RSBN1: variants seen among roughly 807,000 people sequenced by gnomAD.
The protein encoded by RSBN1 is round spermatid basic protein 1, also known as lysine-specific demethylase 9.
Under a neutral mutation model 74.8 loss-of-function variants are expected in RSBN1, and 23 were observed. The observed-to-expected ratio is 0.31, with a 90% CI of 0.22 to 0.44. The LOEUF is 0.44. RSBN1 is among the 20% of genes least tolerant of loss of function. RSBN1 has a pLI of 1.00. For synonymous variants in RSBN1, 407 were observed against 379.6 expected, an observed-to-expected ratio of 1.07 and a Z score of -0.84; for missense variants, 808 against 1,020.9, an observed-to-expected ratio of 0.79 and a Z score of 2.84.
Position 113,766,150 on chromosome 1 carries a change from A to G in RSBN1, c.2239T>C (p.Cys747Arg), listed in dbSNP as rs149404041. Residue 747 changes from cysteine (C) to arginine (R), a missense_variant, in exon 7 of 7, where the codon TGC becomes CGC. Transcript: ENST00000261441. ...GTTGTTAACAGCTGAATCTCTGTGC[A>G]TGCTTCTTCAGATTCAGTTTTTATC... is the stretch of plus-strand genomic sequence containing the variant. ...VRIKTESEEA[C>R]TEIQLLTTAS... 1.2e-4 allele frequency: 186 copies of G among 1,614,072 alleles called. 1 individual carries two copies. In the African/African-American group the frequency reaches 2.3e-3, roughly 20 times the overall value.
intron 2 of RSBN1, among the ~76,000 whole-genome samples, chr1:113,783,130 A>G (rs1026667501): frequency 2.0e-5 from 3 of 152,206 alleles, no homozygotes; most frequent in African/African-American, 7.2e-5. Context: ...ATGTTTGAAT[A>G]CAAACTTTGT....
chr1:113,791,519 G>A (rs772981260), intron 2 of RSBN1, among the ~76,000 whole-genome samples: 5 of 152,162 alleles, frequency 3.3e-5, no homozygotes, highest in East Asian at 1.9e-4. Context: ...GGTTGAGAGC[G>A]GGTGTGGATT....
intron 4 of RSBN1, among the ~76,000 whole-genome samples, chr1:113,775,050 G>A (rs778435899): frequency 6.7e-6 from 1 of 148,510 alleles, no homozygotes; most frequent in Non-Finnish European, 1.5e-5. Flanking sequence ...TGGAGATGAA[G>A]TCTTGCTCTT....
rs3789604 is a variant in RSBN1 at position 113,812,320 on chromosome 1, T to G, written c.93A>C (p.Arg31=). ...PAGSARAALA[R]CADGGAVGPF... is the part of the protein sequence containing the mutation. ...GCCCGACCGCCCCCCCGTCCGCGCATCGCGCAAGCGCCGCCCGCGCACTGC... is the reference window on the plus strand; with the variant it reads ...GCCCGACCGCCCCCCCGTCCGCGCAGCGCGCAAGCGCCGCCCGCGCACTGC... The change falls in exon 1 of 7, where the codon CGA becomes CGC. Residue 31 remains arginine (R), a synonymous_variant. Transcript: ENST00000261441. The G allele has an allele frequency of 0.18, 281,572 of 1,603,660 alleles. 25,635 individuals are homozygous for G. The highest frequency in any genetic ancestry group is 0.21 in the East Asian group (9,541 of 44,828).
Position 113,812,148 on chromosome 1 carries a change from G to T in RSBN1, c.265C>A (p.Arg89Ser). The T allele has an allele frequency of 6.2e-7, 1 of 1,609,700 alleles. No individual in the cohort carries two copies. ...GVSPRGVKRQRRSSSGGSQEK... is the reference protein window; with the variant it reads ...GVSPRGVKRQSRSSSGGSQEK... ...TGAGACCCCCCACTGCTAGATCGGC[G>T]CTGCCGTTTAACTCCCCGCGGGGAG... The change falls in exon 1 of 7, where the codon CGC becomes AGC. Residue 89 changes from arginine (R) to serine (S), a missense_variant. This residue lies in a region of RSBN1 where 464 missense variants were observed against 401.0 expected (regional missense o/e 1.16). Transcript: ENST00000261441.
In RSBN1 at chr1:113,768,537, A is replaced by C. The variant is rs186515660; in HGVS notation, c.1659-148T>G. 5.5e-6 allele frequency: 3 copies of C among 550,288 alleles called. No homozygotes were observed. In the East Asian group the frequency reaches 8.6e-5, roughly 16 times the overall value. The allele number at this position is 550,288 out of a possible 1,614,324, so 34.1% of individuals were successfully genotyped here. On this transcript the variant is annotated intron_variant, in intron 4 of 6. Coordinates refer to ENST00000261441, the MANE Select transcript of RSBN1 (RefSeq NM_018364.5). ...TGAGAAGGGTTCAATGATTATGATCATTAGCATTTAACACACTATATTATA... is the reference window on the plus strand; with the variant it reads ...TGAGAAGGGTTCAATGATTATGATCCTTAGCATTTAACACACTATATTATA...
intron 2 of RSBN1, among the ~76,000 whole-genome samples, chr1:113,793,813 G>A (rs563365391): frequency 2.6e-5 from 4 of 151,844 alleles, no homozygotes; most frequent in South Asian, 4.2e-4. Context: ...GATTACAGGC[G>A]CCCGCCACCA....
chr1:113,772,427 A>T (rs1377155706), intron 4 of RSBN1, among the ~76,000 whole-genome samples: 1 of 152,160 alleles, frequency 6.6e-6, no homozygotes, highest in South Asian at 2.1e-4. Context: ...GCCTTTTTAA[A>T]AAAGTATTAT....
chr1:113,769,543 T>C (rs1347859636), intron 4 of RSBN1, among the ~76,000 whole-genome samples: 1 of 152,232 alleles, frequency 6.6e-6, no homozygotes, highest in East Asian at 1.9e-4. Flanking sequence ...CAGTTTATTA[T>C]ATTGTTTTCT....
intron 2 of RSBN1, among the ~76,000 whole-genome samples, chr1:113,779,062 G>C (rs1660086654): frequency 6.6e-6 from 1 of 152,096 alleles, no homozygotes; most frequent in South Asian, 2.1e-4. Context: ...TATTTAACCA[G>C]AATTTCCACT....
chr1:113,768,975 C>CT (rs1471303567), intron 4 of RSBN1, among the ~76,000 whole-genome samples: 1 of 151,738 alleles, frequency 6.6e-6, no homozygotes, highest in African/African-American at 2.4e-5. Flanking sequence ...GTGTTAGCAT[C>CT]ATAAGGCTTT....
Position 113,812,434 on chromosome 1 carries a change from C to A in RSBN1, c.-22G>T. On this transcript the variant is annotated 5_prime_UTR_variant, in exon 1 of 7. Coordinates refer to ENST00000261441, the MANE Select transcript of RSBN1 (RefSeq NM_018364.5). The stretch of plus-strand genomic sequence containing the variant: ...ACATGCCGGAAGCGGCCGTTCCCAG[C>A]TTTTCTCCGCAGGCCTCTCCAACCG... The A allele has an allele frequency of 6.4e-7, 1 of 1,568,178 alleles. No homozygotes were observed. Among genetic ancestry groups the A allele is most frequent in the Admixed American group, 1.8e-5 (1 of 54,584 alleles).
chr1:113,777,129 G>A, intron 4 of RSBN1, 81 bp downstream of exon 4: 1 of 1,302,796 alleles, frequency 7.7e-7, no homozygotes, highest in Non-Finnish European at 1.1e-6. Context: ...CAAGACAAAT[G>A]GTTTTCAAAC....
intron 1 of RSBN1, among the ~76,000 whole-genome samples, chr1:113,800,773 T>C (rs1173851509): frequency 6.6e-6 from 1 of 152,024 alleles, no homozygotes; most frequent in Non-Finnish European, 1.5e-5. Context: ...TGGGTTTCAC[T>C]TATACGAGTT....
chr1:113,812,432 A>C lies in RSBN1; in HGVS notation c.-20T>G. On this transcript the variant is annotated 5_prime_UTR_variant, in exon 1 of 7. Transcript: ENST00000261441. ...GAACATGCCGGAAGCGGCCGTTCCC[A>C]GCTTTTCTCCGCAGGCCTCTCCAAC... 6.4e-7 allele frequency: 1 copy of C among 1,573,100 alleles called. No homozygotes were observed. The highest frequency in any genetic ancestry group is 8.6e-7 in the Non-Finnish European group (1 of 1,166,344).
intron 1 of RSBN1, among the ~76,000 whole-genome samples, chr1:113,802,252 G>A (rs890177732): frequency 3.3e-5 from 5 of 151,134 alleles, no homozygotes; most frequent in African/African-American, 7.3e-5. Context: ...CACCATGCCC[G>A]GCCTACAAAA....
At chr1:113,794,018 A>G (rs1660421234) in intron 2 of RSBN1, among the ~76,000 whole-genome samples, 1 of 152,038 alleles carries the variant, frequency 6.6e-6, no homozygotes, top group African/African-American at 2.4e-5. Flanking sequence ...TCAACTCAAA[A>G]TATCTCAAAC....
At position 113,783,473 on chromosome 1, in the gene RSBN1, GA is replaced by G. The variant is rs202003938; in HGVS notation, c.1378-5666del. 8.8e-3 allele frequency among the ~76,000 whole-genome samples: 1,336 copies of G among 151,234 alleles called. 11 individuals are homozygous for G. Among genetic ancestry groups the G allele is most frequent in the Non-Finnish European group, 0.014 (927 of 67,764 alleles). On this transcript the variant is annotated intron_variant, in intron 2 of 6. Transcript: ENST00000261441. ...GGCTGACAAGAAAAAAAAAAAGAGA[GA>G]AAAAAATAGATAAAACAAAAAAACA...
chr1:113,803,403 G>A (rs1279134558), intron 1 of RSBN1, among the ~76,000 whole-genome samples: 3 of 152,138 alleles, frequency 2.0e-5, no homozygotes, highest in Non-Finnish European at 2.9e-5. Flanking sequence ...GTTTAGTTTT[G>A]TTAAGAAACT....
Sources: gnomAD v4.1 joint callset for allele counts (sites outside exome capture counted in the v4.1 genomes callset) on GRCh38, gnomAD v4.1.1 for gene constraint, gnomAD v4.1.1 regional missense constraint, MANE v1.5 for transcripts, NCBI Gene and HGNC (gene_info 2026-07-23, HGNC 2026-07-21) for gene names.